The following TUT4 variants were observed in gnomAD, a reference collection of about 807,000 sequenced individuals.
TUT4 encodes the protein terminal uridylyl transferase 4.
TUT4 carries 36 observed loss-of-function variants against 192.2 expected under a neutral mutation model. The observed-to-expected ratio is 0.19, with a 90% CI of 0.14 to 0.25. TUT4 has a LOEUF of 0.25. Among genes scored for constraint, TUT4 ranks in the 10% least tolerant of loss-of-function variants. The pLI, the probability that TUT4 is intolerant of heterozygous loss-of-function variation, is 1.00. For synonymous variants in TUT4, 618 were observed against 666.0 expected, an observed-to-expected ratio of 0.93 and a Z score of 1.11; for missense variants, 1,493 against 1,957.2, an observed-to-expected ratio of 0.76 and a Z score of 4.47.
At chr1:52,499,974 T>C (rs186410060) in intron 4 of TUT4, among the ~76,000 whole-genome samples, 8 of 151,546 alleles carry the variant, frequency 5.3e-5, no homozygotes, top group Non-Finnish European at 8.8e-5. Flanking sequence ...ATATATAAGC[T>C]GGGTGTGGTG....
intron 4 of TUT4, among the ~76,000 whole-genome samples, chr1:52,497,984 G>A (rs959693029): frequency 8.6e-5 from 13 of 151,880 alleles, no homozygotes; most frequent in Non-Finnish European, 1.6e-4. Flanking sequence ...GAAACATGAC[G>A]CTCCCATCAG....
Position 52,458,325 on chromosome 1 carries a change from T to TA in TUT4, c.3435+10dup, listed in dbSNP as rs1661552647. 6.2e-7 allele frequency: 1 copy of TA among 1,604,700 alleles called. No individual in the cohort carries two copies. ...AAAAAAAACTCCTTTATAGTTTTCT[T>TA]AAACACCTACCTCTTGTAGAACTGG... On this transcript the variant is annotated intron_variant, in intron 20 of 29. Coordinates refer to ENST00000257177, the MANE Select transcript of TUT4 (RefSeq NM_001009881.3).
At chr1:52,425,772 G>A (rs1649684363) in intron 28 of TUT4, among the ~76,000 whole-genome samples, 1 of 150,710 alleles carries the variant, frequency 6.6e-6, no homozygotes, top group Admixed American at 6.7e-5. Context: ...TGAAGAGAGG[G>A]CTAACCCAGT....
Position 52,481,649 on chromosome 1 carries a change from C to T in TUT4, c.1636-14G>A. Reference sequence around the variant, plus strand: ...AAAGCCTTCAATCTATATAAAAAGGCATTCCAAATTGGTAGTGGAAAAATT... The same window carrying T: ...AAAGCCTTCAATCTATATAAAAAGGTATTCCAAATTGGTAGTGGAAAAATT... On this transcript the variant is annotated splice_polypyrimidine_tract_variant and intron_variant, in intron 10 of 29. Coordinates refer to ENST00000257177, the MANE Select transcript of TUT4 (RefSeq NM_001009881.3). 1 of 1,545,050 alleles carries T rather than the reference C, an allele frequency of 6.5e-7. No individual in the cohort carries two copies.
At chr1:52,501,068 C>T (rs1368309232) in intron 4 of TUT4, among the ~76,000 whole-genome samples, 2 of 152,092 alleles carry the variant, frequency 1.3e-5, no homozygotes, top group East Asian at 1.9e-4. Context: ...TTGAATATGA[C>T]ACAAAAGACA....
chr1:52,480,741 C>G (rs1345216023), intron 11 of TUT4, among the ~76,000 whole-genome samples: 1 of 152,160 alleles, frequency 6.6e-6, no homozygotes, highest in African/African-American at 2.4e-5. Context: ...TAGATAAGAA[C>G]ATGGCAAGTT....
intron 14 of TUT4, among the ~76,000 whole-genome samples, chr1:52,471,725 C>T (rs1480850788): frequency 6.6e-6 from 1 of 152,132 alleles, no homozygotes; most frequent in African/African-American, 2.4e-5. Flanking sequence ...AGCTCATATC[C>T]ATATTTTAAG....
intron 24 of TUT4, among the ~76,000 whole-genome samples, chr1:52,443,794 A>G (rs1291523303): frequency 1.3e-5 from 2 of 152,074 alleles, no homozygotes; most frequent in African/African-American, 4.8e-5. Flanking sequence ...AAGGTCTGAC[A>G]GCATGCAACA....
At chr1:52,540,062 C>G (rs1558011082) in intron 1 of TUT4, among the ~76,000 whole-genome samples, 2 of 149,158 alleles carry the variant, frequency 1.3e-5, no homozygotes, top group African/African-American at 2.5e-5. Flanking sequence ...ACTAAAAATA[C>G]AAAAAAATTA....
chr1:52,436,734 T>G, intron 26 of TUT4, 21 bp downstream of exon 26: 1 of 1,612,186 alleles, frequency 6.2e-7, no homozygotes, highest in East Asian at 2.2e-5. Flanking sequence ...CCAGAAACTA[T>G]GTTTGGCCTT....
At position 52,516,041 on chromosome 1, in the gene TUT4, A is replaced by G. The variant is rs1433407965; in HGVS notation, c.732T>C (p.Asn244=). 3.1e-6 allele frequency: 5 copies of G among 1,612,908 alleles called. No individual in the cohort carries two copies. Among genetic ancestry groups the G allele is most frequent in the Non-Finnish European group, 4.2e-6 (5 of 1,179,502 alleles). The change falls in exon 3 of 30, where the codon AAT becomes AAC. Residue 244 remains asparagine (N), a synonymous_variant. Transcript: ENST00000257177. ...DVSDDLSKMK[N]DESNKENSSE... ...AAGAATTTTCTTTATTAGATTCATC[A>G]TTCTTCATTTTACCTAGAAAAGAAA...
At chr1:52,464,012 C>A (rs1663358724) in intron 16 of TUT4, among the ~76,000 whole-genome samples, 1 of 152,098 alleles carries the variant, frequency 6.6e-6, no homozygotes, top group African/African-American at 2.4e-5. Context: ...GTCAGACAGA[C>A]CTGGGTTACG....
At chr1:52,482,959 T>C (rs1279145894) in intron 9 of TUT4, among the ~76,000 whole-genome samples, 6 of 152,196 alleles carry the variant, frequency 3.9e-5, no homozygotes, top group Non-Finnish European at 7.4e-5. Flanking sequence ...ATTTTAATCT[T>C]AAAATATATT....
At chr1:52,467,998 A>G (rs897416889) in intron 15 of TUT4, among the ~76,000 whole-genome samples, 183 bp downstream of exon 15, 1 of 152,166 alleles carries the variant, frequency 6.6e-6, no homozygotes, top group Non-Finnish European at 1.5e-5. Context: ...TTATTAGTCA[A>G]CTATTTGTCT....
At chr1:52,431,848 G>T (rs901042203) in intron 27 of TUT4, 1 of 158,028 alleles carries the variant, frequency 6.3e-6, no homozygotes, top group Non-Finnish European at 1.4e-5. Flanking sequence ...CCCTCATGGA[G>T]CTCAACGTTT....
chr1:52,444,307 A>G, intron 24 of TUT4, among the ~76,000 whole-genome samples: 1 of 152,128 alleles, frequency 6.6e-6, no homozygotes, highest in East Asian at 1.9e-4. Context: ...ATTGTTTCAA[A>G]TTTTACTATT....
chr1:52,437,063 G>A (rs1654010489), intron 25 of TUT4, 85 bp from the exon 26 acceptor site: 1 of 1,508,940 alleles, frequency 6.6e-7, no homozygotes, highest in East Asian at 2.3e-5. Context: ...ATAACAAAAG[G>A]ACTAACATGC....
intron 1 of TUT4, among the ~76,000 whole-genome samples, chr1:52,531,455 A>G (rs546326818): frequency 6.6e-6 from 1 of 152,226 alleles, no homozygotes; most frequent in South Asian, 2.1e-4. Flanking sequence ...ACAGTGAACA[A>G]TCTGATTCGT....
chr1:52,513,049 G>T lies in TUT4; in HGVS notation c.882+2842C>A, dbSNP rs141706887. Among the ~76,000 whole-genome samples the T allele has an allele frequency of 2.0e-5, 3 of 151,508 alleles. No individual in the cohort carries two copies. In the South Asian group the frequency reaches 6.3e-4, roughly 32 times the overall value. ...GAGGCATGAGAATCACTTGAAACTG[G>T]GAGGCAGAGGTTGCAGTGAGCCGAG... On this transcript the variant is annotated intron_variant, in intron 3 of 29. Transcript: ENST00000257177.
Sources: allele counts gnomAD v4.1 joint callset (sites outside exome capture counted in the v4.1 genomes callset), GRCh38; gene constraint gnomAD v4.1.1; transcripts MANE v1.5; gene names NCBI Gene and HGNC (gene_info 2026-07-23, HGNC 2026-07-21).